TKT: variants seen among roughly 807,000 people sequenced by gnomAD.
The protein encoded by TKT is epididymis luminal protein 107.
Under a neutral mutation model 63.9 loss-of-function variants are expected in TKT, and 47 were observed. The ratio of observed to expected loss-of-function variants is 0.74; its 90% CI spans 0.58 to 0.94. The LOEUF (loss-of-function observed/expected upper bound fraction) is 0.94. Among genes scored for constraint, TKT ranks in the 40% least tolerant of loss-of-function variants. The probability of loss-of-function intolerance (pLI) is 0.00; values close to 1 mark genes in which losing one functional copy is unlikely to be tolerated. For missense variants in TKT, 721 were observed against 846.2 expected (o/e 0.85, Z 1.84); for synonymous variants, 338 against 334.1 (o/e 1.01, Z -0.13).
Position 53,229,264 on chromosome 3 carries a change from C to T in TKT, c.1264+16G>A. ...GTCAAGGGAGCTCCAGGTGTAAACA[C>T]CCTGGCTAAACTCACCGATGGAAAC... On this transcript the variant is annotated intron_variant, in intron 9 of 13. Coordinates refer to ENST00000462138, the MANE Select transcript of TKT (RefSeq NM_001064.4). 6.2e-7 allele frequency: 1 copy of T among 1,613,892 alleles called. No homozygotes were observed. Among genetic ancestry groups the T allele is most frequent in the Non-Finnish European group, 8.5e-7 (1 of 1,179,866 alleles).
At chr3:53,235,382 A>G in intron 4 of TKT, 3 of 479,694 alleles carry the variant, frequency 6.3e-6, no homozygotes, top group Non-Finnish European at 1.1e-5. Flanking sequence ...AAATGGCATG[A>G]AGGAAGACGT....
intron 1 of TKT, among the ~76,000 whole-genome samples, chr3:53,254,436 C>G (rs1278889467): frequency 6.6e-6 from 1 of 152,180 alleles, no homozygotes; most frequent in Admixed American, 6.5e-5. Context: ...TGAAAGACAT[C>G]TAATCCCTTC....
intron 1 of TKT, among the ~76,000 whole-genome samples, chr3:53,250,550 C>T (rs538390204): frequency 9.2e-5 from 14 of 152,174 alleles, no homozygotes; most frequent in South Asian, 2.1e-4. Context: ...GCAGGTGGAT[C>T]GCTTAAGCCC....
At chr3:53,230,748 C>G in intron 7 of TKT, 127 bp from the exon 8 acceptor site, 1 of 1,142,706 alleles carries the variant, frequency 8.8e-7, no homozygotes, top group Non-Finnish European at 1.2e-6. Context: ...GCACAAGGTC[C>G]TGCAGAGGCT....
chr3:53,237,495 TACACACACACACACACACACACAC>T (rs3075727), intron 4 of TKT, among the ~76,000 whole-genome samples: 28 of 144,898 alleles, frequency 1.9e-4, no homozygotes, highest in Non-Finnish European at 3.0e-4. Context: ...TTTTATATTA[TACACACACACACACACACACACAC>T]ACACACACAC....
intron 1 of TKT, 33 bp downstream of exon 1, chr3:53,255,803 G>C: frequency 7.1e-7 from 1 of 1,413,928 alleles, no homozygotes; most frequent in African/African-American, 1.5e-5. Context: ...CGCCCCGCCC[G>C]AGCCGCGTCC....
At chr3:53,249,581 TCAAA>T (rs1482653880) in intron 1 of TKT, among the ~76,000 whole-genome samples, 2 of 151,934 alleles carry the variant, frequency 1.3e-5, no homozygotes, top group African/African-American at 2.4e-5. Flanking sequence ...CGAGACTCTG[TCAAA>T]CAAACAAATA....
At chr3:53,249,826 G>A (rs1553681410) in intron 1 of TKT, among the ~76,000 whole-genome samples, 1 of 152,162 alleles carries the variant, frequency 6.6e-6, no homozygotes, top group Non-Finnish European at 1.5e-5. Flanking sequence ...CTAGCTCTGT[G>A]CAGGTCCCTG....
Position 53,230,443 on chromosome 3 carries a change from G to T in TKT, c.1107+14C>A. 6.2e-7 allele frequency: 1 copy of T among 1,614,128 alleles called. No individual in the cohort carries two copies. The highest frequency in any genetic ancestry group is 2.2e-5 in the East Asian group (1 of 44,880). ...GCCTTGGGTGGACCTGTCCCTGCCG[G>T]CCCCAGCACCTACCATGTTCTGCTC... On this transcript the variant is annotated intron_variant, in intron 8 of 13. Transcript: ENST00000462138.
At chr3:53,232,315 C>A (rs934747886) in intron 6 of TKT, 8 of 399,198 alleles carry the variant, frequency 2.0e-5, no homozygotes, top group African/African-American at 1.6e-4. Context: ...AGAGCCCTTT[C>A]CTCGACATCC....
At position 53,242,164 on chromosome 3, in the gene TKT, G is replaced by A. The variant is rs1553680039; in HGVS notation, c.186C>T (p.Asp62=). 2.5e-6 allele frequency: 4 copies of A among 1,614,170 alleles called. No individual in the cohort carries two copies. The highest frequency in any genetic ancestry group is 2.2e-5 in the East Asian group (1 of 44,888). ...FFHTMRYKSQ[D]PRNPHNDRFV... ...AGCGGTCATTGTGCGGATTCCGGGG[G>A]TCCTGGGACTTGTAGCGCATGGTGT... is the stretch of plus-strand genomic sequence containing the variant. The change falls in exon 2 of 14, where the codon GAC becomes GAT. Residue 62 remains aspartate (D), a synonymous_variant. Transcript: ENST00000462138.
At chr3:53,236,735 C>G (rs576360564) in intron 4 of TKT, among the ~76,000 whole-genome samples, 39 of 152,338 alleles carry the variant, frequency 2.6e-4, no homozygotes, top group African/African-American at 8.7e-4. Context: ...ACTGGAGGCC[C>G]AGCACAGCTT....
At chr3:53,243,637 G>T (rs9858133) in intron 1 of TKT, 90,533 of 456,172 alleles carry the variant, frequency 0.2, 10,325 homozygotes, top group African/African-American at 0.37. Context: ...AAGAGGGAGG[G>T]GAGGACATGG....
chr3:53,234,891 A>C (rs1553678120), intron 5 of TKT, 92 bp downstream of exon 5: 1 of 1,352,510 alleles, frequency 7.4e-7, no homozygotes, highest in East Asian at 2.4e-5. Context: ...TTAAGGTCCC[A>C]GCTTCAGCTC....
intron 1 of TKT, 83 bp from the exon 2 acceptor site, chr3:53,242,325 G>C: frequency 7.4e-7 from 1 of 1,350,468 alleles, no homozygotes; most frequent in East Asian, 2.3e-5. Flanking sequence ...AGGGACCTGG[G>C]GGTGCATGTC....
intron 4 of TKT, among the ~76,000 whole-genome samples, chr3:53,236,933 C>T (rs1559651857): frequency 1.3e-5 from 2 of 152,216 alleles, no homozygotes; most frequent in Non-Finnish European, 2.9e-5. Context: ...GGGCTGCAAA[C>T]ATCCATTCAT....
At position 53,229,398 on chromosome 3, in the gene TKT, C is replaced by T. The variant is rs782337457; in HGVS notation, c.1146G>A (p.Thr382=). 19 of 1,611,214 alleles carry T rather than the reference C, an allele frequency of 1.2e-5. No individual in the cohort carries two copies. The highest frequency in any genetic ancestry group is 4.5e-5 in the East Asian group (2 of 44,754). ...IAVGCATRNR[T]VPFCSTFAAF... ...CTGCAAAAGTGCTGCAGAAGGGCAC[C>T]GTCCTGTTGCGGGTGGCACAGCCCA... Residue 382 remains threonine (T), a synonymous_variant, in exon 9 of 14, where the codon ACG becomes ACA. Transcript: ENST00000462138.
Position 53,255,678 on chromosome 3 carries a change from G to A in TKT, c.107+158C>T, listed in dbSNP as rs1027876035. On this transcript the variant is annotated intron_variant, in intron 1 of 13. Coordinates refer to ENST00000462138, the MANE Select transcript of TKT (RefSeq NM_001064.4). ...CAGCGGAAGCCGCCTGCAGCCCGGG[G>A]CCCTGCGAGGCGCGCGTCTCCGCCC... 1.7e-4 allele frequency among the ~76,000 whole-genome samples: 26 copies of A among 152,018 alleles called. 1 individual carries two copies. Among genetic ancestry groups the A allele is most frequent in the African/African-American group, 6.0e-4 (25 of 41,520 alleles).
rs782665965 is a variant in TKT, at chr3:53,241,290, T to A, written c.226-45A>T. ...GGGGTGAGGTCAGGTGGGGAGCGGT[T>A]CTACTTCGGGCTGTGCCTACTTCAC... On this transcript the variant is annotated intron_variant, in intron 2 of 13. Transcript: ENST00000462138. The A allele has an allele frequency of 8.4e-6, 13 of 1,542,694 alleles. No homozygotes were observed. The South Asian group carries it at 1.5e-4, about 18-fold the overall frequency.
Sources: gnomAD v4.1 joint callset for allele counts (sites outside exome capture counted in the v4.1 genomes callset) on GRCh38, gnomAD v4.1.1 for gene constraint, MANE v1.5 for transcripts, NCBI Gene and HGNC (gene_info 2026-07-23, HGNC 2026-07-21) for gene names.